The following WWOX variants were observed in gnomAD, a reference collection of about 807,000 sequenced individuals.
The protein encoded by WWOX is WW domain containing oxidoreductase, also known as WW domain-containing oxidoreductase.
Under a neutral mutation model 46.2 loss-of-function variants are expected in WWOX, and 69 were observed. The ratio of observed to expected loss-of-function variants is 1.49; its 90% CI spans 1.23 to 1.82. The LOEUF (loss-of-function observed/expected upper bound fraction) is 1.82, where lower values mean the gene tolerates loss of function less well. Ranked by LOEUF, WWOX falls within the 40% of genes most tolerant of loss-of-function variation. WWOX has a pLI of 0.00. For missense variants in WWOX, 919 were observed against 542.6 expected (o/e 1.69, Z -6.89); for synonymous variants, 359 against 202.6 (o/e 1.77, Z -6.56).
At chr16:78,269,852 A>C (rs1054111029) in intron 5 of WWOX, among the ~76,000 whole-genome samples, 5 of 152,040 alleles carry the variant, frequency 3.3e-5, no homozygotes, top group Non-Finnish European at 7.3e-5. Context: ...GGCTAATTTG[A>C]AAAATGTCAC....
At chr16:78,887,092 G>C (rs922020178) in intron 8 of WWOX, among the ~76,000 whole-genome samples, 1 of 35,432 alleles carries the variant, frequency 2.8e-5, no homozygotes, top group African/African-American at 4.7e-5. Context: ...GTGTGTGTGT[G>C]TGTGTGTGTG....
chr16:78,677,343 A>G (rs566103789), intron 8 of WWOX, among the ~76,000 whole-genome samples: 1 of 152,328 alleles, frequency 6.6e-6, no homozygotes, highest in Non-Finnish European at 1.5e-5. Context: ...CAATGTTGAG[A>G]TTACATACAT....
rs563045622 is a variant in WWOX, at chr16:78,148,498, T to C, written c.410-15685T>C. Among the ~76,000 whole-genome samples, 17 of 151,286 alleles carry C rather than the reference T, an allele frequency of 1.1e-4. No homozygotes were observed. The South Asian group carries it at 3.5e-3, about 32-fold the overall frequency. Reference sequence around the variant, plus strand: ...TAAAAGACACAGAGGTCTCTGCCTCTAAAAAGCTCCATTACATTTTTTTTT... The same window carrying C: ...TAAAAGACACAGAGGTCTCTGCCTCCAAAAAGCTCCATTACATTTTTTTTT... On this transcript the variant is annotated intron_variant, in intron 4 of 8. Coordinates refer to ENST00000566780, the MANE Select transcript of WWOX (RefSeq NM_016373.4).
At chr16:78,813,348 A>T (rs145818627) in intron 8 of WWOX, among the ~76,000 whole-genome samples, 1 of 152,126 alleles carries the variant, frequency 6.6e-6, no homozygotes, top group African/African-American at 2.4e-5. Context: ...ATTTAAGTCC[A>T]AGAAGCCTGC....
Position 79,140,648 on chromosome 16 carries a change from G to A in WWOX, c.1057-70960G>A, listed in dbSNP as rs147499651. Among the ~76,000 whole-genome samples, 16 of 152,354 alleles carry A rather than the reference G, an allele frequency of 1.1e-4. No individual in the cohort carries two copies. In the East Asian group the frequency reaches 3.1e-3, roughly 29 times the overall value. On this transcript the variant is annotated intron_variant, in intron 8 of 8. Transcript: ENST00000566780. ...TGGTAATTAAGAAGCAAGAAGCGCT[G>A]CTCCCAATTCTCTAGATCTGGATTT...
At chr16:79,134,146 G>A (rs1405636930) in intron 8 of WWOX, among the ~76,000 whole-genome samples, 2 of 151,206 alleles carry the variant, frequency 1.3e-5, no homozygotes, top group African/African-American at 2.4e-5. Flanking sequence ...TATTCTCAGT[G>A]GAGGGAATAA....
At chr16:78,177,999 A>G (rs1057301479) in intron 5 of WWOX, among the ~76,000 whole-genome samples, 2 of 152,206 alleles carry the variant, frequency 1.3e-5, no homozygotes, top group African/African-American at 2.4e-5. Context: ...TATAAGAGAA[A>G]GCATTCCTCA....
chr16:79,164,029 T>C (rs969869360), intron 8 of WWOX, among the ~76,000 whole-genome samples: 1 of 152,208 alleles, frequency 6.6e-6, no homozygotes, highest in Non-Finnish European at 1.5e-5. Flanking sequence ...ACATAGACTT[T>C]AGGCATATAC....
At chr16:78,401,122 G>GT (rs1363212664) in intron 6 of WWOX, among the ~76,000 whole-genome samples, 1 of 152,102 alleles carries the variant, frequency 6.6e-6, no homozygotes, top group Non-Finnish European at 1.5e-5. Flanking sequence ...CAGCTGCCTT[G>GT]TTTTTTTCTT....
intron 8 of WWOX, among the ~76,000 whole-genome samples, chr16:78,670,249 C>G (rs2047428096): frequency 6.6e-6 from 1 of 152,124 alleles, no homozygotes. Context: ...GAATGCCAGC[C>G]ACTCTTCTAC....
At chr16:78,653,506 G>A (rs79188461) in intron 8 of WWOX, among the ~76,000 whole-genome samples, 1 of 152,218 alleles carries the variant, frequency 6.6e-6, no homozygotes, top group Non-Finnish European at 1.5e-5. Context: ...TGGATATGGA[G>A]GGTGCTTATG....
At chr16:78,345,639 C>CAAAAAAAAAAAAAA (rs1193432164) in intron 5 of WWOX, among the ~76,000 whole-genome samples, 1 of 25,016 alleles carries the variant, frequency 4.0e-5, no homozygotes, top group Admixed American at 5.6e-4. Context: ...GACCCTGTCT[C>CAAAAAAAAAAAAAA]AAAAAAAAAA....
At chr16:79,040,719 A>C (rs1198816027) in intron 8 of WWOX, among the ~76,000 whole-genome samples, 1 of 152,108 alleles carries the variant, frequency 6.6e-6, no homozygotes, top group Non-Finnish European at 1.5e-5. Context: ...CATTGGGATA[A>C]CTAGAACCAC....
At chr16:78,280,692 T>A (rs1399509438) in intron 5 of WWOX, 1 of 152,146 alleles carries the variant, frequency 6.6e-6, no homozygotes, top group African/African-American at 2.4e-5. Flanking sequence ...CTTTTAACCC[T>A]TTTCCTGTTT....
intron 8 of WWOX, among the ~76,000 whole-genome samples, chr16:78,976,414 T>C (rs532823975): frequency 3.3e-5 from 5 of 152,260 alleles, no homozygotes; most frequent in South Asian, 2.1e-4. Context: ...ATTCGGAGCA[T>C]GTGATGTGCG....
chr16:79,044,840 T>A (rs1461102401), intron 8 of WWOX, among the ~76,000 whole-genome samples: 2 of 152,148 alleles, frequency 1.3e-5, no homozygotes, highest in Non-Finnish European at 2.9e-5. Flanking sequence ...ACTTAACAGC[T>A]CTGTGACCCT....
chr16:78,627,898 G>T (rs558250189), intron 8 of WWOX, among the ~76,000 whole-genome samples: 1 of 152,324 alleles, frequency 6.6e-6, no homozygotes, highest in South Asian at 2.1e-4. Flanking sequence ...CCGTGGATTT[G>T]GCGTTGGCCA....
chr16:79,149,401 G>A (rs1312024122), intron 8 of WWOX, among the ~76,000 whole-genome samples: 1 of 152,102 alleles, frequency 6.6e-6, no homozygotes, highest in Non-Finnish European at 1.5e-5. Context: ...TGGCATATAT[G>A]TTTTTTTATA....
At chr16:79,006,981 C>A (rs1018141250) in intron 8 of WWOX, among the ~76,000 whole-genome samples, 1 of 152,116 alleles carries the variant, frequency 6.6e-6, no homozygotes, top group Non-Finnish European at 1.5e-5. Context: ...TCTTCATTTC[C>A]CTTTGTCGCG....
Sources: allele counts gnomAD v4.1 joint callset (sites outside exome capture counted in the v4.1 genomes callset), GRCh38; gene constraint gnomAD v4.1.1; transcripts MANE v1.5; gene names NCBI Gene and HGNC (gene_info 2026-07-23, HGNC 2026-07-21).